The following CCDC110 variants were observed in gnomAD, a reference collection of about 807,000 sequenced individuals.
CCDC110 encodes coiled-coil domain containing 110, also known as coiled-coil domain-containing protein 110.
In CCDC110, 70 loss-of-function variants were observed where a neutral mutation model predicts 77.1. The ratio of observed to expected loss-of-function variants is 0.91; its 90% CI spans 0.75 to 1.11. The LOEUF (loss-of-function observed/expected upper bound fraction) is 1.11, where lower values mean the gene tolerates loss of function less well. Ranked by LOEUF, CCDC110 falls within the 50% of genes least tolerant of loss-of-function variation. CCDC110 has a pLI of 0.00. For missense variants in CCDC110, 868 were observed against 942.9 expected (o/e 0.92, Z 1.04); for synonymous variants, 295 against 312.5 (o/e 0.94, Z 0.59).
chr4:185,469,984 C>T (rs1201769166), intron 2 of CCDC110, among the ~76,000 whole-genome samples: 1 of 152,188 alleles, frequency 6.6e-6, no homozygotes, highest in African/African-American at 2.4e-5. Context: ...TGCTCCTTCC[C>T]CGGCATGTCC....
chr4:185,458,422 A>G lies in CCDC110; in HGVS notation c.2165T>C (p.Leu722Pro). 1 of 1,597,156 alleles carries G rather than the reference A, an allele frequency of 6.3e-7. No homozygotes were observed. Among genetic ancestry groups the G allele is most frequent in the South Asian group, 1.1e-5 (1 of 87,044 alleles). Reference sequence around the variant, plus strand: ...TATATTTTCTTGACTATGTTTCTTTAGTTCTTCTTTTAGAATCTGATTATC... The same window carrying G: ...TATATTTTCTTGACTATGTTTCTTTGGTTCTTCTTTTAGAATCTGATTATC... The part of the protein sequence containing the change: ...KTDNQILKEE[L>P]KKHSQENIKF... The change falls in exon 6 of 7, where the codon CTA becomes CCA. Residue 722 changes from leucine (L) to proline (P), a missense_variant. Transcript: ENST00000307588.
At chr4:185,458,062 G>A in intron 6 of CCDC110, 64 bp downstream of exon 6, 4 of 1,117,140 alleles carry the variant, frequency 3.6e-6, no homozygotes, top group Non-Finnish European at 5.0e-6. Flanking sequence ...TCTGTACTCT[G>A]TAGTGCCCAA....
chr4:185,452,384 G>T, intron 6 of CCDC110: 1 of 985,308 alleles, frequency 1.0e-6, no homozygotes, highest in Admixed American at 6.1e-5. Flanking sequence ...CTGAAACAAT[G>T]ATTGTGGATG....
chr4:185,446,061 G>C lies in CCDC110; in HGVS notation c.2462-519C>G, dbSNP rs375907113. On this transcript the variant is annotated intron_variant, in intron 6 of 6. Coordinates refer to ENST00000307588, the MANE Select transcript of CCDC110 (RefSeq NM_152775.4). Reference sequence around the variant, plus strand: ...TCTCCATGTTGGTAAGGCTGGTCTCGAACTCCCGACCTCAGGTGATCCACC... The same window carrying C: ...TCTCCATGTTGGTAAGGCTGGTCTCCAACTCCCGACCTCAGGTGATCCACC... Among the ~76,000 whole-genome samples, 4 of 152,064 alleles carry C rather than the reference G, an allele frequency of 2.6e-5. No individual in the cohort carries two copies. The East Asian group carries it at 5.8e-4, about 22-fold the overall frequency.
chr4:185,452,238 C>A, intron 6 of CCDC110: 1 of 985,474 alleles, frequency 1.0e-6, no homozygotes, highest in Non-Finnish European at 1.2e-6. Flanking sequence ...GTTATCTACT[C>A]TCCTGTTATG....
At chr4:185,446,377 C>T (rs2095611368) in intron 6 of CCDC110, among the ~76,000 whole-genome samples, 1 of 152,126 alleles carries the variant, frequency 6.6e-6, no homozygotes, top group African/African-American at 2.4e-5. Context: ...GGTGCTCTAA[C>T]TTAGATGGTG....
At chr4:185,447,348 A>AT (rs571347557) in intron 6 of CCDC110, among the ~76,000 whole-genome samples, 2,620 of 151,850 alleles carry the variant, frequency 0.017, 38 homozygotes, top group Middle Eastern at 0.024. Context: ...CGCCCGGCTA[A>AT]TTTTTGTATT....
chr4:185,447,204 C>G (rs564005986), intron 6 of CCDC110, among the ~76,000 whole-genome samples: 1 of 148,486 alleles, frequency 6.7e-6, no homozygotes, highest in Non-Finnish European at 1.5e-5. Context: ...TTTTTTGAGA[C>G]GGAGTCTCAC....
intron 6 of CCDC110, among the ~76,000 whole-genome samples, chr4:185,447,386 T>C (rs1298117396): frequency 6.6e-6 from 1 of 152,068 alleles, no homozygotes; most frequent in Non-Finnish European, 1.5e-5. Flanking sequence ...TTCACTGTGT[T>C]AGCCAGGATG....
chr4:185,447,328 C>A (rs533689014), intron 6 of CCDC110, among the ~76,000 whole-genome samples: 1 of 152,054 alleles, frequency 6.6e-6, no homozygotes, highest in Non-Finnish European at 1.5e-5. Flanking sequence ...ACTACAGGCG[C>A]CCGCCACCAC....
intron 6 of CCDC110, chr4:185,452,380 C>T (rs1002856102): frequency 3.0e-6 from 3 of 985,328 alleles, no homozygotes; most frequent in Non-Finnish European, 3.6e-6. Flanking sequence ...AAATCTGAAA[C>T]AATGATTGTG....
chr4:185,454,489 G>A (rs2095633472), intron 6 of CCDC110, among the ~76,000 whole-genome samples: 2 of 152,006 alleles, frequency 1.3e-5, no homozygotes, highest in African/African-American at 4.8e-5. Flanking sequence ...TGAGGCGGGA[G>A]GATCACTTAA....
chr4:185,463,190 C>T lies in CCDC110; in HGVS notation c.116-141G>A, dbSNP rs537936809. On this transcript the variant is annotated intron_variant, in intron 2 of 6. Coordinates refer to ENST00000307588, the MANE Select transcript of CCDC110 (RefSeq NM_152775.4). ...CTTCTGATATTCACACTATGCTAGT[C>T]ACATAAGCTTAAGTGATAATTCTCG... 6.2e-5 allele frequency: 39 copies of T among 630,772 alleles called. No homozygotes were observed. The South Asian group carries it at 7.4e-4, about 12-fold the overall frequency. 39.1% of individuals were successfully genotyped at this position (630,772 alleles called of 1,614,324 possible).
chr4:185,461,269 A>G, intron 4 of CCDC110, 110 bp from the exon 5 acceptor site: 1 of 565,422 alleles, frequency 1.8e-6, no homozygotes, highest in East Asian at 3.0e-5. Flanking sequence ...CTGCCCATAA[A>G]CAGTCTTTCC....
At chr4:185,447,342 C>T (rs1052508220) in intron 6 of CCDC110, among the ~76,000 whole-genome samples, 17 of 151,904 alleles carry the variant, frequency 1.1e-4, no homozygotes, top group Non-Finnish European at 1.8e-4. Flanking sequence ...CCACCACGCC[C>T]GGCTAATTTT....
rs1479055116 is a variant in CCDC110, at chr4:185,465,373, A to G, written c.116-2324T>C. Among the ~76,000 whole-genome samples, 5 of 152,268 alleles carry G rather than the reference A, an allele frequency of 3.3e-5. No homozygotes were observed. The East Asian group carries it at 7.7e-4, about 23-fold the overall frequency. On this transcript the variant is annotated intron_variant, in intron 2 of 6. Coordinates refer to ENST00000307588, the MANE Select transcript of CCDC110 (RefSeq NM_152775.4). ...ATGTACAGACTTAATAAAGGGATACAGTAAATCAAAGATTTCAAAGAAAGC... is the reference window on the plus strand; with the variant it reads ...ATGTACAGACTTAATAAAGGGATACGGTAAATCAAAGATTTCAAAGAAAGC...
At chr4:185,457,647 T>A (rs2095637944) in intron 6 of CCDC110, 1 of 637,038 alleles carries the variant, frequency 1.6e-6, no homozygotes, top group Non-Finnish European at 2.4e-6. Context: ...TAATTCCAAT[T>A]TCTAATTTTA....
chr4:185,449,509 C>G, intron 6 of CCDC110: 1 of 810,552 alleles, frequency 1.2e-6, no homozygotes, highest in South Asian at 1.8e-5. Context: ...GGCAACAGAG[C>G]GAGACCCGGT....
intron 6 of CCDC110, chr4:185,449,705 A>G: frequency 8.6e-7 from 1 of 1,157,190 alleles, no homozygotes; most frequent in Admixed American, 3.0e-5. Flanking sequence ...TCAAGAGCTA[A>G]TTATTTGAAA....
Sources: gnomAD v4.1 joint callset for allele counts (sites outside exome capture counted in the v4.1 genomes callset) on GRCh38, gnomAD v4.1.1 for gene constraint, MANE v1.5 for transcripts, NCBI Gene and HGNC (gene_info 2026-07-23, HGNC 2026-07-21) for gene names.